Variants in VPS13B observed in about 807,000 individuals in gnomAD.
The protein encoded by VPS13B is vacuolar protein sorting 13 homolog B, also known as intermembrane lipid transfer protein VPS13B.
A neutral mutation model predicts 426.4 loss-of-function variants in VPS13B; 285 were observed. The observed-to-expected ratio is 0.67, with a 90% confidence interval of 0.61 to 0.74. VPS13B has a LOEUF of 0.74. VPS13B is among the 30% of genes least tolerant of loss of function. The pLI, the probability that VPS13B is intolerant of heterozygous loss-of-function variation, is 0.00. For missense variants in VPS13B, 4,537 were observed against 4,782.6 expected, an observed-to-expected ratio of 0.95 and a Z score of 1.51; for synonymous variants, 1,676 against 1,676.4, an observed-to-expected ratio of 1.00 and a Z score of 0.01.
At chr8:99,196,250 T>C (rs1813916611) in intron 17 of VPS13B, among the ~76,000 whole-genome samples, 1 of 152,134 alleles carries the variant, frequency 6.6e-6, no homozygotes, top group African/African-American at 2.4e-5. Flanking sequence ...CTTTTTAGTA[T>C]ACAGACCTTT....
intron 22 of VPS13B, among the ~76,000 whole-genome samples, chr8:99,432,191 A>T (rs1817150239): frequency 6.6e-6 from 1 of 152,138 alleles, no homozygotes; most frequent in Non-Finnish European, 1.5e-5. Context: ...TAACCTGACT[A>T]AAATATACAA....
intron 44 of VPS13B, among the ~76,000 whole-genome samples, chr8:99,817,154 T>C (rs1466717942): frequency 1.3e-5 from 2 of 151,944 alleles, no homozygotes; most frequent in Admixed American, 6.6e-5. Flanking sequence ...ACCCCGAGTC[T>C]GCCCTTGGAG....
At chr8:99,530,874 C>G (rs1450084265) in intron 30 of VPS13B, among the ~76,000 whole-genome samples, 1 of 152,146 alleles carries the variant, frequency 6.6e-6, no homozygotes, top group Non-Finnish European at 1.5e-5. Flanking sequence ...ACTGTCAGTT[C>G]CATTGCTCAT....
chr8:99,563,053 C>T (rs1370975985), intron 31 of VPS13B, among the ~76,000 whole-genome samples: 2 of 152,138 alleles, frequency 1.3e-5, no homozygotes, highest in Non-Finnish European at 2.9e-5. Context: ...GTCCTAGCTT[C>T]TCTTGAGGCT....
intron 12 of VPS13B, among the ~76,000 whole-genome samples, chr8:99,137,048 A>T (rs983783160): frequency 2.0e-5 from 3 of 152,158 alleles, no homozygotes; most frequent in African/African-American, 7.2e-5. Context: ...TTAAATTTTT[A>T]AAAAGAATAA....
Position 99,877,149 on chromosome 8 carries a change from C to T in VPS13B, c.*1483C>T, listed in dbSNP as rs886062558. ...CTGCTGGGATTACAGGTGTGAGCCA[C>T]CATGCCCAACACCCACTGATCTTTA... On this transcript the variant is annotated 3_prime_UTR_variant, in exon 62 of 62. Transcript: ENST00000357162. 6.6e-6 allele frequency: 1 copy of T among 152,242 alleles called. No homozygotes were observed. Among genetic ancestry groups the T allele is most frequent in the African/African-American group, 2.4e-5 (1 of 41,446 alleles). 9.4% of individuals were successfully genotyped at this position (152,242 alleles called of 1,614,324 possible).
In VPS13B at chr8:99,479,301, A is replaced by G. The variant is rs539588440; in HGVS notation, c.3667-2298A>G. 9.7e-4 allele frequency among the ~76,000 whole-genome samples: 147 copies of G among 152,324 alleles called. 1 individual carries two copies. Among genetic ancestry groups the G allele is most frequent in the African/African-American group, 3.4e-3 (141 of 41,572 alleles). ...TTATGAACAGCTATAGATTAAATGA[A>G]AAAAGTGTGTGAATAAATTTTTTAA... On this transcript the variant is annotated intron_variant, in intron 24 of 61. Transcript: ENST00000357162.
At chr8:99,039,058 A>G (rs1376802013) in intron 3 of VPS13B, among the ~76,000 whole-genome samples, 1 of 152,112 alleles carries the variant, frequency 6.6e-6, no homozygotes, top group Non-Finnish European at 1.5e-5. Flanking sequence ...AAAGTATGTA[A>G]AGGTTGTTTT....
chr8:99,823,521 A>G (rs1054393869), intron 50 of VPS13B, among the ~76,000 whole-genome samples: 3 of 152,166 alleles, frequency 2.0e-5, no homozygotes, highest in African/African-American at 4.8e-5. Context: ...TTACATATAC[A>G]TGCTTTCTAA....
chr8:99,771,457 T>C (rs1811484031), intron 40 of VPS13B, among the ~76,000 whole-genome samples: 1 of 152,236 alleles, frequency 6.6e-6, no homozygotes, highest in Admixed American at 6.5e-5. Context: ...TATATCTATA[T>C]ATTTTTTCTT....
chr8:99,436,486 TC>T (rs1457950734), intron 22 of VPS13B, among the ~76,000 whole-genome samples: 1 of 152,182 alleles, frequency 6.6e-6, no homozygotes, highest in Non-Finnish European at 1.5e-5. Flanking sequence ...TTGTGGTTCC[TC>T]AATTTGAGTA....
In VPS13B at chr8:99,498,064, T is replaced by G. The variant is rs1035720036; in HGVS notation, c.3871-3623T>G. On this transcript the variant is annotated intron_variant, in intron 25 of 61. Coordinates refer to ENST00000357162, the MANE Select transcript of VPS13B (RefSeq NM_152564.5). Reference sequence around the variant, plus strand: ...AACACAATATTTTGTGTATGAAGCCTTTCCTATTTCAAAATATTCATATAA... The same window carrying G: ...AACACAATATTTTGTGTATGAAGCCGTTCCTATTTCAAAATATTCATATAA... Among the ~76,000 whole-genome samples, 5 of 152,272 alleles carry G rather than the reference T, an allele frequency of 3.3e-5. No individual in the cohort carries two copies. In the East Asian group the frequency reaches 7.7e-4, roughly 23 times the overall value.
chr8:99,541,857 T>C (rs892437451), intron 30 of VPS13B, among the ~76,000 whole-genome samples: 1 of 152,184 alleles, frequency 6.6e-6, no homozygotes, highest in South Asian at 2.1e-4. Context: ...TTGAAGTTCT[T>C]ATCAGTAATA....
chr8:99,739,306 A>G (rs1283788550), intron 39 of VPS13B, among the ~76,000 whole-genome samples: 2 of 152,232 alleles, frequency 1.3e-5, no homozygotes, highest in African/African-American at 2.4e-5. Flanking sequence ...AGGCTTGAGT[A>G]GGTAAACAAA....
rs1412124670 is a variant in VPS13B, at chr8:99,854,101, T to C, written c.10712T>C (p.Leu3571Pro). 6.2e-7 allele frequency: 1 copy of C among 1,612,924 alleles called. No homozygotes were observed. The highest frequency in any genetic ancestry group is 1.7e-5 in the Admixed American group (1 of 59,968). The change falls in exon 56 of 62, where the codon CTC becomes CCC. Residue 3571 changes from leucine (L) to proline (P), a missense_variant. By Grantham distance (98) the Leu-to-Pro change is moderately conservative (BLOSUM62 -3). Around this residue, in one of 2 missense-constraint regions of VPS13B, gnomAD observed 4,311 missense variants for 4,474.3 expected, o/e 0.96. Transcript: ENST00000357162. ...CTGGTGATCCAGCCAGTAAATTTGC[T>C]CGTCAGCATCCACGCTTCCCTCAAG... ...RKLVIQPVNL[L>P]VSIHASLKLY...
At chr8:99,223,098 G>T (rs949206773) in intron 17 of VPS13B, among the ~76,000 whole-genome samples, 4 of 152,144 alleles carry the variant, frequency 2.6e-5, no homozygotes, top group Non-Finnish European at 5.9e-5. Context: ...AAAGTGCTGG[G>T]ATTACAGGTG....
At chr8:99,436,077 T>C (rs960697395) in intron 22 of VPS13B, among the ~76,000 whole-genome samples, 2 of 152,070 alleles carry the variant, frequency 1.3e-5, no homozygotes, top group Admixed American at 6.6e-5. Flanking sequence ...TTGAAGAAAA[T>C]TATGTTAGTG....
chr8:99,631,044 G>A (rs977013980), intron 33 of VPS13B, among the ~76,000 whole-genome samples: 2 of 152,110 alleles, frequency 1.3e-5, no homozygotes, highest in Admixed American at 6.6e-5. Context: ...ATGTTATGAT[G>A]CATTAGATAT....
chr8:99,689,806 G>A (rs79782150), intron 35 of VPS13B, among the ~76,000 whole-genome samples: 6,235 of 152,288 alleles, frequency 0.041, 137 homozygotes, highest in East Asian at 0.055. Context: ...TCTGCAGTCA[G>A]GGAAAATGGA....
Sources: allele counts gnomAD v4.1 joint callset (sites outside exome capture counted in the v4.1 genomes callset), GRCh38; gene constraint gnomAD v4.1.1; regional missense constraint gnomAD v4.1.1; transcripts MANE v1.5; gene names NCBI Gene and HGNC (gene_info 2026-07-23, HGNC 2026-07-21).